SYNPR: variants seen among roughly 807,000 people sequenced by gnomAD.
SYNPR encodes the protein synaptoporin.
A neutral mutation model predicts 32.9 loss-of-function variants in SYNPR; 23 were observed. The ratio of observed to expected loss-of-function variants is 0.70; its 90% CI spans 0.50 to 0.99. The LOEUF (loss-of-function observed/expected upper bound fraction) is 0.99. SYNPR is among the 50% of genes least tolerant of loss of function. The pLI is 0.00. For missense variants in SYNPR, 318 were observed against 349.3 expected, an observed-to-expected ratio of 0.91 and a Z score of 0.71; for synonymous variants, 146 against 135.9, an observed-to-expected ratio of 1.07 and a Z score of -0.52.
At chr3:63,574,429 C>A (rs151211371) in intron 4 of SYNPR, among the ~76,000 whole-genome samples, 1 of 152,060 alleles carries the variant, frequency 6.6e-6, no homozygotes. Context: ...GTGCTCTTCC[C>A]ATGATGCCTT....
chr3:63,387,248 CA>C (rs1393760304), intron 2 of SYNPR, among the ~76,000 whole-genome samples: 4 of 152,126 alleles, frequency 2.6e-5, no homozygotes, highest in Admixed American at 2.6e-4. Context: ...ATATATAACT[CA>C]ATATTTTTCT....
At chr3:63,311,939 A>G (rs937457178) in intron 2 of SYNPR, among the ~76,000 whole-genome samples, 1 of 151,972 alleles carries the variant, frequency 6.6e-6, no homozygotes, top group Admixed American at 6.6e-5. Context: ...TAATTCATCT[A>G]AAACTTTAAA....
chr3:63,271,458 A>G (rs1320376083), intron 3 of SYNPR, among the ~76,000 whole-genome samples: 1 of 152,178 alleles, frequency 6.6e-6, no homozygotes, highest in Admixed American at 6.5e-5. Flanking sequence ...TTCAGAGCAG[A>G]TGCAAAAACT....
intron 2 of SYNPR, among the ~76,000 whole-genome samples, chr3:63,386,797 G>A (rs1459710219): frequency 1.3e-5 from 2 of 152,174 alleles, no homozygotes; most frequent in African/African-American, 4.8e-5. Flanking sequence ...ACCTCGCAGA[G>A]CAAAGAGCAG....
At chr3:63,381,973 A>G (rs1185887735) in intron 2 of SYNPR, among the ~76,000 whole-genome samples, 1 of 152,230 alleles carries the variant, frequency 6.6e-6, no homozygotes, top group Non-Finnish European at 1.5e-5. Context: ...CATTTCAAGT[A>G]AAGTACAGAA....
intron 2 of SYNPR, among the ~76,000 whole-genome samples, chr3:63,471,840 A>T (rs1399846338): frequency 6.6e-6 from 1 of 152,160 alleles, no homozygotes; most frequent in Non-Finnish European, 1.5e-5. Flanking sequence ...GGCCTCTTTA[A>T]CCTATGAGCT....
intron 2 of SYNPR, among the ~76,000 whole-genome samples, chr3:63,410,272 T>C (rs1370505128): frequency 6.6e-6 from 1 of 152,210 alleles, no homozygotes; most frequent in Non-Finnish European, 1.5e-5. Flanking sequence ...ACTGAAATCA[T>C]GAACTTAATT....
the SYNPR span, chr3:63,203,108 C>T: frequency 7.2e-4 from 71 of 98,396 alleles, 1 homozygote; most frequent in African/African-American, 3.1e-3. Context: ...ATATTTGCCA[C>T]GTTTAAGTCT....
intron 1 of SYNPR, among the ~76,000 whole-genome samples, chr3:63,245,719 GTGTGTGTGTGTGTGTGTGTGTA>G (rs374303655): frequency 0.16 from 18,838 of 121,216 alleles, 1,451 homozygotes; most frequent in Non-Finnish European, 0.2. Context: ...GAGTGTGTGT[GTGTGTGTGTGTGTGTGTGTGTA>G]TGTGTGTGTG....
intron 3 of SYNPR, among the ~76,000 whole-genome samples, chr3:63,550,954 T>C (rs1171031945): frequency 6.6e-6 from 1 of 152,176 alleles, no homozygotes; most frequent in Non-Finnish European, 1.5e-5. Context: ...CACATTTTAT[T>C]CCCCCATGTG....
In SYNPR at chr3:63,480,918, T is replaced by A. The variant is rs1196675740; in HGVS notation, c.171T>A (p.Ser57Arg). Residue 57 changes from serine to arginine, a missense_variant, in exon 3 of 6, where the codon AGT (serine) becomes AGA (arginine). Transcript: ENST00000478300. ...TGGACTGCGTCAACAAGACAGAAAG[T>A]AACCTCAGCATCGACATAGCGTTTG... ...LSVDCVNKTE[S>R]NLSIDIAFAY... 1 of 1,613,472 alleles carries A rather than the reference T, an allele frequency of 6.2e-7. No individual in the cohort carries two copies. The highest frequency in any genetic ancestry group is 8.5e-7 in the Non-Finnish European group (1 of 1,179,542).
intron 2 of SYNPR, among the ~76,000 whole-genome samples, chr3:63,388,504 A>G (rs934362101): frequency 3.4e-5 from 5 of 147,018 alleles, no homozygotes; most frequent in Non-Finnish European, 3.0e-5. Flanking sequence ...TCTCCTGCCT[A>G]AGCCTCCTGA....
chr3:63,268,996 C>T (rs2086512620), intron 3 of SYNPR, among the ~76,000 whole-genome samples: 1 of 152,110 alleles, frequency 6.6e-6, no homozygotes, highest in South Asian at 2.1e-4. Context: ...AGTAAGAAAT[C>T]ACTGAGAAAC....
chr3:63,413,076 G>A (rs771975530), intron 2 of SYNPR, among the ~76,000 whole-genome samples: 3 of 152,136 alleles, frequency 2.0e-5, no homozygotes, highest in Non-Finnish European at 4.4e-5. Context: ...ACAAATCAGT[G>A]TACTATTATA....
At chr3:63,222,814 G>T in the SYNPR span, among the ~76,000 whole-genome samples, 1 of 152,168 alleles carries the variant, frequency 6.6e-6, no homozygotes, top group African/African-American at 2.4e-5. Context: ...ACCGTGCCCT[G>T]TCTGAGAAAA....
chr3:63,339,243 A>G (rs1482339745), intron 2 of SYNPR, among the ~76,000 whole-genome samples: 1 of 152,220 alleles, frequency 6.6e-6, no homozygotes, highest in Non-Finnish European at 1.5e-5. Context: ...TCCCAGGCAC[A>G]AGTAGTAAAC....
intron 2 of SYNPR, among the ~76,000 whole-genome samples, chr3:63,401,559 A>C (rs575939924): frequency 6.6e-6 from 1 of 152,172 alleles, no homozygotes; most frequent in Non-Finnish European, 1.5e-5. Flanking sequence ...TTATCTGCAC[A>C]CTGGCTGCCC....
chr3:63,347,131 A>T (rs1438786960), intron 2 of SYNPR, among the ~76,000 whole-genome samples: 1 of 152,172 alleles, frequency 6.6e-6, no homozygotes, highest in Non-Finnish European at 1.5e-5. Flanking sequence ...TAAGTACTTC[A>T]CCTAGTTTAT....
intron 2 of SYNPR, among the ~76,000 whole-genome samples, chr3:63,381,531 T>A (rs1350991293): frequency 6.6e-6 from 1 of 152,254 alleles, no homozygotes; most frequent in Non-Finnish European, 1.5e-5. Context: ...AATGACTTTC[T>A]TCACAGAACT....
Sources: gnomAD v4.1 joint callset for allele counts (sites outside exome capture counted in the v4.1 genomes callset) on GRCh38, gnomAD v4.1.1 for gene constraint, MANE v1.5 for transcripts, NCBI Gene and HGNC (gene_info 2026-07-23, HGNC 2026-07-21) for gene names.